Variants in CDH11 observed in about 807,000 individuals in gnomAD.
CDH11 encodes the protein cadherin-11.
In CDH11, 11 loss-of-function variants were observed where a neutral mutation model predicts 67.8. The ratio of observed to expected loss-of-function variants is 0.16; its 90% CI spans 0.10 to 0.27. The LOEUF (loss-of-function observed/expected upper bound fraction) is 0.27. Among genes scored for constraint, CDH11 ranks in the 10% least tolerant of loss-of-function variants. The pLI, the probability that CDH11 is intolerant of heterozygous loss-of-function variation, is 1.00. For missense variants in CDH11, 847 were observed against 1,031.2 expected, an observed-to-expected ratio of 0.82 and a Z score of 2.45; for synonymous variants, 419 against 400.0, an observed-to-expected ratio of 1.05 and a Z score of -0.57.
chr16:64,992,857 C>A, intron 5 of CDH11, 58 bp downstream of exon 5: 1 of 1,554,262 alleles, frequency 6.4e-7, no homozygotes, highest in South Asian at 1.1e-5. Context: ...AAGTTCTGGT[C>A]AGGCCTGGGA....
At chr16:65,050,704 C>G (rs1220901491) in intron 2 of CDH11, among the ~76,000 whole-genome samples, 1 of 151,982 alleles carries the variant, frequency 6.6e-6, no homozygotes, top group Non-Finnish European at 1.5e-5. Flanking sequence ...TTAAAGGTTT[C>G]ATGCCACCAG....
At chr16:65,091,512 T>C (rs1355251676) in intron 1 of CDH11, among the ~76,000 whole-genome samples, 5 of 152,082 alleles carry the variant, frequency 3.3e-5, no homozygotes, top group African/African-American at 7.2e-5. Flanking sequence ...AGAAGAAAGA[T>C]TTATTTCTGT....
At chr16:65,010,130 A>G (rs1204720247) in intron 2 of CDH11, among the ~76,000 whole-genome samples, 1 of 152,010 alleles carries the variant, frequency 6.6e-6, no homozygotes, top group Admixed American at 6.6e-5. Context: ...CTGTTTTTTC[A>G]TTTCCAGGTA....
At chr16:65,016,961 G>C (rs2073322887) in intron 2 of CDH11, among the ~76,000 whole-genome samples, 1 of 152,174 alleles carries the variant, frequency 6.6e-6, no homozygotes. Flanking sequence ...ATGTTCCCAT[G>C]GCATTTGTAA....
chr16:65,122,943 C>T (rs998721747), upstream of CDH11, among the ~76,000 whole-genome samples: 15 of 152,186 alleles, frequency 9.9e-5, no homozygotes. Flanking sequence ...CGCCAGGGCC[C>T]GGTGGAGTGT....
chr16:65,084,131 A>C (rs575548904), intron 1 of CDH11, among the ~76,000 whole-genome samples: 1 of 152,324 alleles, frequency 6.6e-6, no homozygotes, highest in African/African-American at 2.4e-5. Context: ...TGTATTATGA[A>C]ATAAATTATT....
intron 1 of CDH11, among the ~76,000 whole-genome samples, chr16:65,065,160 G>T (rs1451251540): frequency 6.6e-6 from 1 of 152,170 alleles, no homozygotes. Flanking sequence ...GGTGGTGGAG[G>T]AGGGAGCAGA....
rs1042996956 is a variant in CDH11 at position 64,946,660 on chromosome 16, G to T, written c.*943C>A. On this transcript the variant is annotated 3_prime_UTR_variant, in exon 13 of 13. Transcript: ENST00000268603. ...TGATTTTAAATAAACAATAAAAGCA[G>T]CAGACAGACAACAACAGATCATAAA... 7 of 987,034 alleles carry T rather than the reference G, an allele frequency of 7.1e-6. No homozygotes were observed. The East Asian group carries it at 4.4e-4, about 62-fold the overall frequency. The allele number at this position is 987,034 out of a possible 1,614,324, so 61.1% of individuals were successfully genotyped here. A position where few individuals can be genotyped will look rare whatever the true frequency, so the allele number is the denominator to read the frequency against.
At chr16:65,049,910 G>A (rs2074026563) in intron 2 of CDH11, among the ~76,000 whole-genome samples, 1 of 152,300 alleles carries the variant, frequency 6.6e-6, no homozygotes, top group African/African-American at 2.4e-5. Flanking sequence ...AGAGAGTTAG[G>A]AAGCAGGTTG....
intron 2 of CDH11, among the ~76,000 whole-genome samples, chr16:65,039,739 A>G (rs1163623915): frequency 6.6e-6 from 1 of 152,178 alleles, no homozygotes; most frequent in Non-Finnish European, 1.5e-5. Context: ...GAGCTTCTGC[A>G]CAGCAAAAGA....
intron 2 of CDH11, among the ~76,000 whole-genome samples, chr16:65,043,699 A>G (rs1000133981): frequency 2.0e-5 from 3 of 152,294 alleles, no homozygotes; most frequent in Middle Eastern, 6.8e-3. Flanking sequence ...GTGCAGAAGC[A>G]ATTCTACCCA....
intron 3 of CDH11, among the ~76,000 whole-genome samples, chr16:64,999,363 A>T (rs1231023961): frequency 6.6e-6 from 1 of 152,210 alleles, no homozygotes; most frequent in Non-Finnish European, 1.5e-5. Context: ...ACACAGATAC[A>T]TATGTACCCT....
intron 2 of CDH11, among the ~76,000 whole-genome samples, chr16:65,018,130 A>G (rs2073348560): frequency 6.6e-6 from 1 of 152,146 alleles, no homozygotes; most frequent in South Asian, 2.1e-4. Context: ...CTGTGCCTGC[A>G]AGTACTTGAA....
At chr16:65,036,564 G>A (rs1026014674) in intron 2 of CDH11, among the ~76,000 whole-genome samples, 3 of 152,116 alleles carry the variant, frequency 2.0e-5, no homozygotes, top group Non-Finnish European at 4.4e-5. Flanking sequence ...CCCTATTAGG[G>A]TCATAAATCA....
chr16:65,042,598 T>C (rs964901322), intron 2 of CDH11, among the ~76,000 whole-genome samples: 1 of 152,174 alleles, frequency 6.6e-6, no homozygotes, highest in Admixed American at 6.5e-5. Flanking sequence ...AAAATTTGCA[T>C]CTGGATTTTA....
intron 1 of CDH11, among the ~76,000 whole-genome samples, chr16:65,079,677 G>C (rs573825285): frequency 6.6e-6 from 1 of 152,308 alleles, no homozygotes; most frequent in African/African-American, 2.4e-5. Flanking sequence ...TGCCTGCAGA[G>C]TGTGTGCCCC....
intron 1 of CDH11, among the ~76,000 whole-genome samples, chr16:65,056,791 A>C (rs1221212333): frequency 6.6e-6 from 1 of 152,156 alleles, no homozygotes; most frequent in Non-Finnish European, 1.5e-5. Context: ...CAGCGTGTTT[A>C]AAAAGGGTTG....
chr16:64,992,994 G>T lies in CDH11; in HGVS notation c.564C>A (p.Asp188Glu). The T allele has an allele frequency of 6.2e-7, 1 of 1,611,014 alleles. No homozygotes were observed. Among genetic ancestry groups the T allele is most frequent in the Admixed American group, 1.7e-5 (1 of 60,014 alleles). The change falls in exon 5 of 13, where the codon GAC becomes GAA. Residue 188 changes from aspartate to glutamate, a missense_variant. Asp to Glu is a conservative substitution (Grantham distance 45, BLOSUM62 2). Around this residue, in one of 2 missense-constraint regions of CDH11, gnomAD observed 235 missense variants for 352.5 expected, o/e 0.67. Transcript: ENST00000268603. ...ACTTGGCGCTATTTCCATAAGTGGG[G>T]TCATCTGCATCTGAAGCTGTCACCT... Reference protein sequence around the residue: ...VIQVTASDADDPTYGNSAKLV... With the variant: ...VIQVTASDADEPTYGNSAKLV...
At position 64,998,737 on chromosome 16, in the gene CDH11, C is replaced by T. The variant is rs1442006572; in HGVS notation, c.348G>A (p.Leu116=). Residue 116 remains leucine (L), a synonymous_variant, in exon 4 of 13, where the codon TTG becomes TTA. Coordinates refer to ENST00000268603, the MANE Select transcript of CDH11 (RefSeq NM_001797.4). The part of the protein sequence containing the change: ...KSGNIHATKT[L]DREERAQYTL... ...TGTACTGGGCTCTCTCTTCTCGATC[C>T]AACGTCTTGGTGGCATGAATGTTCC... The T allele has an allele frequency of 1.2e-6, 2 of 1,614,166 alleles. No homozygotes were observed. Among genetic ancestry groups the T allele is most frequent in the South Asian group, 2.2e-5 (2 of 91,070 alleles).
Sources: gnomAD v4.1 joint callset for allele counts (sites outside exome capture counted in the v4.1 genomes callset) on GRCh38, gnomAD v4.1.1 for gene constraint, gnomAD v4.1.1 regional missense constraint, MANE v1.5 for transcripts, NCBI Gene and HGNC (gene_info 2026-07-23, HGNC 2026-07-21) for gene names.